Variants in FOXK2 observed in about 807,000 individuals in gnomAD.
FOXK2 encodes forkhead box protein K2.
FOXK2 carries 24 observed loss-of-function variants against 53.3 expected under a neutral mutation model. The observed-to-expected ratio is 0.45, with a 90% CI of 0.33 to 0.63. FOXK2 has a LOEUF of 0.63. Among genes scored for constraint, FOXK2 ranks in the 30% least tolerant of loss-of-function variants. The pLI is 0.03. For synonymous variants in FOXK2, 505 were observed against 407.1 expected (o/e 1.24, Z -2.89); for missense variants, 952 against 910.5 (o/e 1.05, Z -0.59).
rs149120653 is a variant in FOXK2, at chr17:82,570,686, G to A, written c.763-1038G>A. On this transcript the variant is annotated intron_variant, in intron 3 of 8. Transcript: ENST00000335255. ...TTCATTGTAAAACTCCATGTATATA[G>A]TATCATCTTGAATGTATTTTTTCAT... Among the ~76,000 whole-genome samples the A allele has an allele frequency of 4.7e-4, 71 of 152,320 alleles. 1 individual carries two copies. In the East Asian group the frequency reaches 0.012, roughly 26 times the overall value.
chr17:82,533,511 G>A (rs1347515379), intron 1 of FOXK2, among the ~76,000 whole-genome samples: 1 of 151,860 alleles, frequency 6.6e-6, no homozygotes, highest in African/African-American at 2.4e-5. Flanking sequence ...GTATAGTGCA[G>A]TGAATACATA....
At chr17:82,550,413 C>T (rs529439151) in intron 1 of FOXK2, among the ~76,000 whole-genome samples, 103 of 151,814 alleles carry the variant, frequency 6.8e-4, no homozygotes, top group South Asian at 2.7e-3. Flanking sequence ...AACTTCACTA[C>T]AGAACACCAA....
Position 82,601,701 on chromosome 17 carries a change from T to G in FOXK2, c.*202T>G. ...AACCCACACACAACAAAACCTGATT[T>G]GGGAGACGGTGTCTCCACTGAGCAC... On this transcript the variant is annotated 3_prime_UTR_variant, in exon 9 of 9. Coordinates refer to ENST00000335255, the MANE Select transcript of FOXK2 (RefSeq NM_004514.4). 3.8e-6 allele frequency: 2 copies of G among 527,474 alleles called. No homozygotes were observed. Among genetic ancestry groups the G allele is most frequent in the Non-Finnish European group, 6.7e-6 (2 of 296,382 alleles). The allele number at this position is 527,474 out of a possible 1,614,324, so 32.7% of individuals were successfully genotyped here. A position where few individuals can be genotyped will look rare whatever the true frequency, so the allele number is the denominator to read the frequency against.
chr17:82,571,858 C>A lies in FOXK2; in HGVS notation c.897C>A (p.Asp299Glu). Residue 299 changes from aspartate (D) to glutamate (E), a missense_variant, in exon 4 of 9, where the codon GAC (aspartate) becomes GAA (glutamate). Transcript: ENST00000335255. ...TKNYPYYRTA[D>E]KGWQNSIRHN... ...ATTATCCCTACTACAGGACTGCGGA[C>A]AAGGGCTGGCAGGTAAATGCCTTCA... The A allele has an allele frequency of 6.4e-7, 1 of 1,561,478 alleles. No homozygotes were observed.
At chr17:82,545,282 C>G (rs1053609250) in intron 1 of FOXK2, among the ~76,000 whole-genome samples, 1 of 152,198 alleles carries the variant, frequency 6.6e-6, no homozygotes, top group African/African-American at 2.4e-5. Flanking sequence ...GAATTCCTAT[C>G]CCGAATTCTA....
At chr17:82,530,873 A>G (rs2044466973) in intron 1 of FOXK2, among the ~76,000 whole-genome samples, 1 of 152,218 alleles carries the variant, frequency 6.6e-6, no homozygotes, top group African/African-American at 2.4e-5. Flanking sequence ...ATACGATAGC[A>G]TTTTGAGTAT....
At chr17:82,530,320 G>C (rs551133988) in intron 1 of FOXK2, among the ~76,000 whole-genome samples, 5 of 151,646 alleles carry the variant, frequency 3.3e-5, no homozygotes, top group Non-Finnish European at 7.4e-5. Context: ...GAGAAACCCT[G>C]TGTCTACTAA....
At chr17:82,556,547 C>G (rs939918984) in intron 1 of FOXK2, among the ~76,000 whole-genome samples, 2 of 149,932 alleles carry the variant, frequency 1.3e-5, no homozygotes, top group Non-Finnish European at 3.0e-5. Flanking sequence ...CACAGAGCAC[C>G]TCCCTCACCT....
chr17:82,551,227 G>A (rs1266642940), intron 1 of FOXK2, among the ~76,000 whole-genome samples: 1 of 152,060 alleles, frequency 6.6e-6, no homozygotes, highest in African/African-American at 2.4e-5. Flanking sequence ...TGAGGCAGGA[G>A]AATGGCGTGA....
At chr17:82,554,126 G>A (rs1180270177) in intron 1 of FOXK2, among the ~76,000 whole-genome samples, 1 of 152,126 alleles carries the variant, frequency 6.6e-6, no homozygotes, top group East Asian at 1.9e-4. Context: ...GCCACCGGAC[G>A]TGGCCTCAAG....
intron 1 of FOXK2, among the ~76,000 whole-genome samples, chr17:82,520,537 T>A (rs561314774): frequency 8.5e-5 from 13 of 152,146 alleles, no homozygotes; most frequent in Admixed American, 1.3e-4. Flanking sequence ...CCCCCGTCTT[T>A]CCCCCTTCCT....
intron 2 of FOXK2, among the ~76,000 whole-genome samples, chr17:82,564,393 T>C (rs796978568): frequency 5.1e-5 from 6 of 118,516 alleles, no homozygotes; most frequent in African/African-American, 1.9e-4. Context: ...TTTTTGTTTG[T>C]TTGTTTGTTT....
rs1440633621 is a variant in FOXK2 at position 82,582,864 on chromosome 17, C to G, written c.1033C>G (p.Gln345Glu). 1 of 1,613,500 alleles carries G rather than the reference C, an allele frequency of 6.2e-7. No homozygotes were observed. ...AGCCTCTGAAAGCAAATTAATAGAACAGGCTTTTAGGAAACGACGGCCTAG... is the reference window on the plus strand; with the variant it reads ...AGCCTCTGAAAGCAAATTAATAGAAGAGGCTTTTAGGAAACGACGGCCTAG... ...DPASESKLIEQAFRKRRPRGV... is the reference protein window; with the variant it reads ...DPASESKLIEEAFRKRRPRGV... The change falls in exon 5 of 9, where the codon CAG becomes GAG. Residue 345 changes from glutamine to glutamate, a missense_variant. Gln to Glu is a conservative substitution (Grantham distance 29, BLOSUM62 2). Transcript: ENST00000335255.
At chr17:82,596,215 T>G in intron 8 of FOXK2, 1 of 989,930 alleles carries the variant, frequency 1.0e-6, no homozygotes, top group Non-Finnish European at 1.2e-6. Context: ...TCGCCTTCAG[T>G]AGCCTGAGTC....
chr17:82,525,653 T>A (rs1308912321), intron 1 of FOXK2, among the ~76,000 whole-genome samples: 2 of 152,216 alleles, frequency 1.3e-5, no homozygotes. Flanking sequence ...TTAACAGTTG[T>A]TTATACTTTG....
At position 82,587,153 on chromosome 17, in the gene FOXK2, C is replaced by T. The variant is rs370285120; in HGVS notation, c.1667C>T (p.Thr556Met). The T allele has an allele frequency of 1.2e-5, 19 of 1,613,104 alleles. No homozygotes were observed. Among genetic ancestry groups the T allele is most frequent in the East Asian group, 6.7e-5 (3 of 44,890 alleles). The part of the protein sequence containing the change: ...IQTAQTTPVQ[T>M]VTIVQQAPLG... ...ACGGCACAGACCACCCCGGTCCAGA[C>T]GGTGACCATAGTACAACAGGCACCT... The change falls in exon 8 of 9, where the codon ACG (threonine) becomes ATG (methionine). Residue 556 changes from threonine to methionine, a missense_variant. Coordinates refer to ENST00000335255, the MANE Select transcript of FOXK2 (RefSeq NM_004514.4).
chr17:82,588,467 T>TGGCGGTTGGAGGGCA (rs1275949006), intron 8 of FOXK2: 9 of 110,394 alleles, frequency 8.2e-5, no homozygotes, highest in Admixed American at 3.8e-4. Flanking sequence ...GTTGGAGGGC[T>TGGCGGTTGGAGGGCA]GGCGGTTGGA....
chr17:82,595,978 C>G, intron 8 of FOXK2: 1 of 1,185,886 alleles, frequency 8.4e-7, no homozygotes, highest in Non-Finnish European at 1.1e-6. Context: ...GATGCTGTTC[C>G]GAGTCAGCGT....
At chr17:82,567,260 A>AC (rs1370055145) in intron 2 of FOXK2, among the ~76,000 whole-genome samples, 2 of 152,192 alleles carry the variant, frequency 1.3e-5, no homozygotes, top group African/African-American at 4.8e-5. Context: ...AGATAATCTT[A>AC]CCTTGATATT....
Sources: gnomAD v4.1 joint callset for allele counts (sites outside exome capture counted in the v4.1 genomes callset) on GRCh38, gnomAD v4.1.1 for gene constraint, MANE v1.5 for transcripts, NCBI Gene and HGNC (gene_info 2026-07-23, HGNC 2026-07-21) for gene names.